GRK3: variants seen among roughly 807,000 people sequenced by gnomAD.
GRK3 encodes the protein adrenergic, beta, receptor kinase 2.
In GRK3, 54 loss-of-function variants were observed where a neutral mutation model predicts 95.7. That is an observed-to-expected ratio of 0.56 (90% CI 0.45 to 0.71). The LOEUF (loss-of-function observed/expected upper bound fraction) is 0.71, where lower values mean the gene tolerates loss of function less well. Among genes scored for constraint, GRK3 ranks in the 30% least tolerant of loss-of-function variants. The probability of loss-of-function intolerance (pLI) is 0.00; values close to 1 mark genes in which losing one functional copy is unlikely to be tolerated. For missense variants in GRK3, 649 were observed against 851.2 expected, an observed-to-expected ratio of 0.76 and a Z score of 2.96; for synonymous variants, 281 against 290.8, an observed-to-expected ratio of 0.97 and a Z score of 0.34.
At chr22:25,570,727 C>G (rs907951249) in intron 1 of GRK3, among the ~76,000 whole-genome samples, 2 of 152,212 alleles carry the variant, frequency 1.3e-5, no homozygotes, top group African/African-American at 2.4e-5. Context: ...CGGCCCCCCT[C>G]TGCTTCTCCT....
At chr22:25,631,018 A>G (rs773545922) in intron 2 of GRK3, among the ~76,000 whole-genome samples, 2 of 152,216 alleles carry the variant, frequency 1.3e-5, no homozygotes, top group Non-Finnish European at 2.9e-5. Context: ...GAAATAGATG[A>G]TTATAGTTAA....
intron 2 of GRK3, among the ~76,000 whole-genome samples, chr22:25,639,122 C>T (rs1026909747): frequency 5.3e-5 from 8 of 152,096 alleles, no homozygotes; most frequent in Admixed American, 4.6e-4. Flanking sequence ...GGCATTTTTT[C>T]TAACTTAGGT....
chr22:25,691,858 A>G (rs756193796), intron 12 of GRK3, among the ~76,000 whole-genome samples: 39 of 152,226 alleles, frequency 2.6e-4, no homozygotes, highest in Admixed American at 5.9e-4. Flanking sequence ...ATAGTACAAT[A>G]TTTGAACAGC....
intron 1 of GRK3, among the ~76,000 whole-genome samples, chr22:25,593,854 AGTAG>A (rs1238921356): frequency 1.3e-5 from 2 of 152,078 alleles, no homozygotes; most frequent in Non-Finnish European, 2.9e-5. Context: ...CCATTTATTG[AGTAG>A]GGAGTCCTTT....
At chr22:25,690,523 A>G (rs1453953775) in intron 12 of GRK3, among the ~76,000 whole-genome samples, 2 of 152,222 alleles carry the variant, frequency 1.3e-5, no homozygotes, top group South Asian at 2.1e-4. Context: ...TCTCAGAAAC[A>G]GTCAGGACCT....
chr22:25,717,023 G>A (rs779311216), intron 18 of GRK3, among the ~76,000 whole-genome samples: 8 of 152,228 alleles, frequency 5.3e-5, no homozygotes, highest in Non-Finnish European at 1.2e-4. Flanking sequence ...ATCCCCGTCT[G>A]TGGAAAAATT....
At chr22:25,719,598 A>G (rs1266065145) in intron 19 of GRK3, among the ~76,000 whole-genome samples, 1 of 151,252 alleles carries the variant, frequency 6.6e-6, no homozygotes, top group African/African-American at 2.4e-5. Context: ...TCAGCAAATC[A>G]GGCAGCATTT....
intron 2 of GRK3, among the ~76,000 whole-genome samples, chr22:25,619,544 C>T (rs1343270836): frequency 2.0e-5 from 3 of 151,730 alleles, no homozygotes; most frequent in Admixed American, 6.6e-5. Flanking sequence ...AGTTTAGTGG[C>T]GTGATCATAG....
At chr22:25,629,732 A>G (rs2146366757) in intron 2 of GRK3, among the ~76,000 whole-genome samples, 1 of 152,278 alleles carries the variant, frequency 6.6e-6, no homozygotes, top group South Asian at 2.1e-4. Flanking sequence ...TGCAACACCC[A>G]TGGAAAGTTT....
chr22:25,667,729 T>C lies in GRK3; in HGVS notation c.442-10T>C. On this transcript the variant is annotated splice_polypyrimidine_tract_variant and intron_variant, in intron 5 of 20. Transcript: ENST00000324198. ...CATTCACCGTGGAATTTCTTTTCCA[T>C]CTCTTCCAGCCATACATAGAAGAAA... 1 of 1,599,452 alleles carries C rather than the reference T, an allele frequency of 6.3e-7. No individual in the cohort carries two copies. The highest frequency in any genetic ancestry group is 8.5e-7 in the Non-Finnish European group (1 of 1,170,430).
intron 6 of GRK3, among the ~76,000 whole-genome samples, chr22:25,668,355 C>G (rs1217608286): frequency 6.6e-6 from 1 of 152,190 alleles, no homozygotes; most frequent in Non-Finnish European, 1.5e-5. Flanking sequence ...ATTGGACCCT[C>G]TAAAACAGAA....
chr22:25,580,333 T>C (rs1310764744), intron 1 of GRK3: 1 of 152,080 alleles, frequency 6.6e-6, no homozygotes, highest in African/African-American at 2.4e-5. Flanking sequence ...TAGATCCAGA[T>C]TGAAACCCAC....
intron 2 of GRK3, among the ~76,000 whole-genome samples, chr22:25,629,091 A>G (rs2084647133): frequency 6.6e-6 from 1 of 152,220 alleles, no homozygotes; most frequent in Non-Finnish European, 1.5e-5. Flanking sequence ...AATCATTGTA[A>G]TAAAGCCAGA....
intron 3 of GRK3, chr22:25,648,269 C>G (rs2084801395): frequency 2.4e-6 from 2 of 829,080 alleles, no homozygotes; most frequent in Admixed American, 3.4e-5. Context: ...ATGGTAGATA[C>G]TATATCACAA....
chr22:25,655,926 A>G (rs1045865431), intron 3 of GRK3, among the ~76,000 whole-genome samples: 5 of 152,204 alleles, frequency 3.3e-5, no homozygotes, highest in Non-Finnish European at 7.3e-5. Flanking sequence ...TGTCTATAAT[A>G]TGCTGTTCCG....
At chr22:25,620,518 T>C (rs2084576998) in intron 2 of GRK3, among the ~76,000 whole-genome samples, 1 of 152,152 alleles carries the variant, frequency 6.6e-6, no homozygotes. Flanking sequence ...CAAGAAGCTT[T>C]TCCCAAGAGG....
intron 1 of GRK3, among the ~76,000 whole-genome samples, chr22:25,567,931 C>T (rs574320472): frequency 1.2e-4 from 18 of 152,294 alleles, no homozygotes; most frequent in Non-Finnish European, 2.1e-4. Flanking sequence ...GATTTTGCTT[C>T]CCTGAGATGG....
At position 25,617,955 on chromosome 22, in the gene GRK3, T is replaced by C. The variant is rs186141140; in HGVS notation, c.190+13502T>C. On this transcript the variant is annotated intron_variant, in intron 2 of 20. Transcript: ENST00000324198. ...CCACGCCTGGCTAATGTATTTTTAG[T>C]AGAGATGAGGTTTCGCCATGTTGGC... Among the ~76,000 whole-genome samples the C allele has an allele frequency of 1.4e-3, 217 of 152,304 alleles. 1 individual carries two copies. Among genetic ancestry groups the C allele is most frequent in the Middle Eastern group, 3.4e-3 (1 of 294 alleles).
chr22:25,695,503 C>T (rs1401274331), intron 13 of GRK3, among the ~76,000 whole-genome samples: 1 of 152,066 alleles, frequency 6.6e-6, no homozygotes, highest in Non-Finnish European at 1.5e-5. Flanking sequence ...TGATAAGCCA[C>T]ATTGTAGGAA....
Sources: gnomAD v4.1 joint callset for allele counts (sites outside exome capture counted in the v4.1 genomes callset) on GRCh38, gnomAD v4.1.1 for gene constraint, MANE v1.5 for transcripts, NCBI Gene and HGNC (gene_info 2026-07-23, HGNC 2026-07-21) for gene names.